Variants in NRG3 observed in about 807,000 individuals in gnomAD.
The protein encoded by NRG3 is neuregulin 3.
NRG3 carries 31 observed loss-of-function variants against 66.9 expected under a neutral mutation model. That is an observed-to-expected ratio of 0.46 (90% CI 0.35 to 0.63). The LOEUF is 0.63. NRG3 is among the 20% of genes least tolerant of loss of function. NRG3 has a pLI of 0.00. For synonymous variants in NRG3, 393 were observed against 359.4 expected (o/e 1.09, Z -1.06); for missense variants, 910 against 878.9 (o/e 1.04, Z -0.45).
intron 2 of NRG3, among the ~76,000 whole-genome samples, chr10:82,724,084 CAAGA>C (rs576265289): frequency 1.7e-3 from 251 of 147,218 alleles, no homozygotes; most frequent in African/African-American, 6.0e-3. Flanking sequence ...GAAAAAAAAA[CAAGA>C]AACAGGAATT....
At chr10:82,577,146 A>G (rs183578194) in intron 2 of NRG3, among the ~76,000 whole-genome samples, 1 of 151,860 alleles carries the variant, frequency 6.6e-6, no homozygotes, top group African/African-American at 2.4e-5. Context: ...AATGCAATAT[A>G]TAATTCCCAA....
chr10:82,773,414 C>T (rs2059787653), intron 3 of NRG3, among the ~76,000 whole-genome samples: 1 of 152,064 alleles, frequency 6.6e-6, no homozygotes, highest in African/African-American at 2.4e-5. Context: ...GGTCCTTTGT[C>T]CCTTTTTTCC....
chr10:82,260,331 TGCA>T (rs1284791187), intron 1 of NRG3, among the ~76,000 whole-genome samples: 2 of 152,140 alleles, frequency 1.3e-5, no homozygotes, highest in African/African-American at 4.8e-5. Context: ...GAGTTGTAAG[TGCA>T]GCATTATAGG....
chr10:82,701,513 C>T (rs183281062), intron 2 of NRG3, among the ~76,000 whole-genome samples: 44 of 152,134 alleles, frequency 2.9e-4, no homozygotes, highest in African/African-American at 8.4e-4. Flanking sequence ...CAGGAATGTA[C>T]GGATAGAGCC....
intron 2 of NRG3, among the ~76,000 whole-genome samples, chr10:82,572,552 T>G (rs536415481): frequency 2.6e-5 from 4 of 151,826 alleles, no homozygotes; most frequent in African/African-American, 9.6e-5. Context: ...TGCTTTGAAT[T>G]TAAAGCACTC....
At chr10:82,392,640 T>C (rs931269044) in intron 2 of NRG3, among the ~76,000 whole-genome samples, 2 of 152,188 alleles carry the variant, frequency 1.3e-5, no homozygotes, top group African/African-American at 4.8e-5. Context: ...CAATAGCCCA[T>C]TTGTTTTACA....
At chr10:82,963,463 G>A (rs1306200531) in intron 6 of NRG3, among the ~76,000 whole-genome samples, 7 of 152,130 alleles carry the variant, frequency 4.6e-5, no homozygotes, top group Non-Finnish European at 8.8e-5. Flanking sequence ...GGTGGATCAC[G>A]AGGTCAGGAG....
At chr10:82,515,740 C>A (rs1322666205) in intron 2 of NRG3, among the ~76,000 whole-genome samples, 3 of 152,160 alleles carry the variant, frequency 2.0e-5, no homozygotes, top group Non-Finnish European at 2.9e-5. Context: ...TAGTAGCCAC[C>A]ACTTCCAGGT....
At chr10:82,648,390 C>T (rs1565164226) in intron 2 of NRG3, among the ~76,000 whole-genome samples, 1 of 152,024 alleles carries the variant, frequency 6.6e-6, no homozygotes, top group Non-Finnish European at 1.5e-5. Context: ...CAGTACCATG[C>T]TGTTTTGGTT....
At chr10:82,122,048 G>A (rs1291048910) in intron 1 of NRG3, among the ~76,000 whole-genome samples, 3 of 152,094 alleles carry the variant, frequency 2.0e-5, no homozygotes, top group South Asian at 4.1e-4. Context: ...TCATTCTCAA[G>A]GTCATACTGT....
intron 1 of NRG3, among the ~76,000 whole-genome samples, chr10:81,989,756 A>G (rs2060664743): frequency 6.6e-6 from 1 of 152,130 alleles, no homozygotes. Context: ...GAGTAGAAAG[A>G]TGAGAAGTGA....
At chr10:82,148,083 A>G (rs2070394552) in intron 1 of NRG3, among the ~76,000 whole-genome samples, 1 of 152,186 alleles carries the variant, frequency 6.6e-6, no homozygotes, top group South Asian at 2.1e-4. Flanking sequence ...CCGTTCTAAG[A>G]CATATACAGT....
At chr10:82,793,386 G>A (rs1191110648) in intron 3 of NRG3, among the ~76,000 whole-genome samples, 4 of 152,084 alleles carry the variant, frequency 2.6e-5, no homozygotes, top group Non-Finnish European at 4.4e-5. Flanking sequence ...GACAGTATTA[G>A]GGAGAGGGTA....
chr10:82,037,897 G>C (rs998031827), intron 1 of NRG3, among the ~76,000 whole-genome samples: 4 of 151,858 alleles, frequency 2.6e-5, no homozygotes, highest in African/African-American at 9.7e-5. Flanking sequence ...ACTTCGTAAG[G>C]GTTGGGTCTC....
chr10:82,192,972 TGAGA>T lies in NRG3; in HGVS notation c.824-165745_824-165742del, dbSNP rs5786538. Among the ~76,000 whole-genome samples, 246 of 139,106 alleles carry T rather than the reference TGAGA, an allele frequency of 1.8e-3. 1 individual carries two copies. The highest frequency in any genetic ancestry group is 4.1e-3 in the African/African-American group (145 of 35,568). 91.3% of individuals were successfully genotyped at this position (139,106 alleles called of 152,430 possible). ...AGTGGGGGTGGAAGAAGGAAGAAAG[TGAGA>T]GAGAGAGAGAGAGAGAGAGAGTTTG... is the stretch of plus-strand genomic sequence containing the variant. On this transcript the variant is annotated intron_variant, in intron 1 of 8. Transcript: ENST00000372141.
intron 1 of NRG3, among the ~76,000 whole-genome samples, chr10:82,107,104 G>A (rs908617744): frequency 1.3e-5 from 2 of 152,176 alleles, no homozygotes; most frequent in Admixed American, 1.3e-4. Flanking sequence ...GGGACCAGAA[G>A]TGTTTCAGAT....
At chr10:81,916,175 CT>C (rs1845688835) in intron 1 of NRG3, among the ~76,000 whole-genome samples, 1 of 152,096 alleles carries the variant, frequency 6.6e-6, no homozygotes, top group Admixed American at 6.6e-5. Context: ...CTTTTCACCA[CT>C]TATGGCTAGT....
chr10:82,818,312 G>T (rs1210782178), intron 3 of NRG3, among the ~76,000 whole-genome samples: 2 of 152,050 alleles, frequency 1.3e-5, no homozygotes, highest in East Asian at 3.9e-4. Context: ...TCTGGCCAGT[G>T]TCCTCTTTGG....
At chr10:82,509,259 A>G (rs1463908273) in intron 2 of NRG3, among the ~76,000 whole-genome samples, 2 of 152,118 alleles carry the variant, frequency 1.3e-5, no homozygotes, top group Non-Finnish European at 1.5e-5. Context: ...TCAGGGGTAC[A>G]TGTTCAGGTT....
Sources: gnomAD v4.1 joint callset for allele counts (sites outside exome capture counted in the v4.1 genomes callset) on GRCh38, gnomAD v4.1.1 for gene constraint, MANE v1.5 for transcripts, NCBI Gene and HGNC (gene_info 2026-07-23, HGNC 2026-07-21) for gene names.